PTPRG: variants seen among roughly 807,000 people sequenced by gnomAD.
PTPRG encodes receptor-type tyrosine-protein phosphatase gamma.
Under a neutral mutation model 165.3 loss-of-function variants are expected in PTPRG, and 102 were observed. That is an observed-to-expected ratio of 0.62 (90% confidence interval 0.53 to 0.73). PTPRG has a LOEUF of 0.73. PTPRG is among the 30% of genes least tolerant of loss of function. The pLI, the probability that PTPRG is intolerant of heterozygous loss-of-function variation, is 0.00. For synonymous variants in PTPRG, 675 were observed against 669.5 expected (o/e 1.01, Z -0.13); for missense variants, 1,866 against 1,861.4 (o/e 1.00, Z -0.05).
At chr3:61,856,138 T>C (rs1398075338) in intron 2 of PTPRG, among the ~76,000 whole-genome samples, 6 of 152,104 alleles carry the variant, frequency 3.9e-5, no homozygotes, top group African/African-American at 1.2e-4. Flanking sequence ...AAGGGTCTTT[T>C]AAATTGTAAA....
chr3:62,052,340 C>T (rs1328433985), intron 4 of PTPRG, among the ~76,000 whole-genome samples: 2 of 152,130 alleles, frequency 1.3e-5, no homozygotes, highest in Non-Finnish European at 2.9e-5. Context: ...TGGGAACTTA[C>T]CCACCTACAC....
In PTPRG at chr3:62,287,677, A is replaced by ATAAAG. The variant is rs541726463; in HGVS notation, c.4056-4741_4056-4737dup. On this transcript the variant is annotated intron_variant, in intron 28 of 29. Coordinates refer to ENST00000474889, the MANE Select transcript of PTPRG (RefSeq NM_002841.4). ...ACAGCTGAGGTTTTCTAAAAACAGA[A>ATAAAG]TAAAGTATTCAGTTCTTAAACTGAG... Among the ~76,000 whole-genome samples, 462 of 152,308 alleles carry ATAAAG rather than the reference A, an allele frequency of 3.0e-3. 4 individuals are homozygous for ATAAAG. The highest frequency in any genetic ancestry group is 0.01 in the African/African-American group (423 of 41,584).
intron 1 of PTPRG, among the ~76,000 whole-genome samples, chr3:61,711,472 T>G (rs13082181): frequency 0.14 from 21,706 of 152,282 alleles, 1,701 homozygotes; most frequent in East Asian, 0.17. Flanking sequence ...TCTAACTGGT[T>G]TGAAATGGTA....
chr3:62,072,615 A>ATGTATG (rs775745015), intron 4 of PTPRG, among the ~76,000 whole-genome samples: 2 of 134,578 alleles, frequency 1.5e-5, no homozygotes, highest in Admixed American at 1.5e-4. Flanking sequence ...ATATATGTGT[A>ATGTATG]TGTGTGTGTG....
intron 1 of PTPRG, among the ~76,000 whole-genome samples, chr3:61,643,277 A>AAAGAGAG (rs1702113671): frequency 4.7e-5 from 7 of 149,744 alleles, no homozygotes; most frequent in African/African-American, 1.5e-4. Context: ...GAGAGAGAGA[A>AAAGAGAG]AGAGAGAGAG....
Position 61,652,506 on chromosome 3 carries a change from T to G in PTPRG, c.85+90134T>G, listed in dbSNP as rs541841579. Among the ~76,000 whole-genome samples, 3 of 152,300 alleles carry G rather than the reference T, an allele frequency of 2.0e-5. No homozygotes were observed. In the East Asian group the frequency reaches 5.8e-4, roughly 29 times the overall value. On this transcript the variant is annotated intron_variant, in intron 1 of 29. Transcript: ENST00000474889. ...CTTGTTGAGCTCTTTCTTTGGGTCA[T>G]GGACTGGGCTAGGGTTAAGGGATAT...
chr3:61,928,275 A>G (rs1344077016), intron 2 of PTPRG, among the ~76,000 whole-genome samples: 1 of 152,190 alleles, frequency 6.6e-6, no homozygotes, highest in East Asian at 1.9e-4. Flanking sequence ...TGTGAAATAC[A>G]GCATGCCTAG....
intron 26 of PTPRG, among the ~76,000 whole-genome samples, chr3:62,279,027 G>A (rs964967266): frequency 1.3e-5 from 2 of 152,034 alleles, no homozygotes; most frequent in Non-Finnish European, 2.9e-5. Context: ...TGGCATCTCA[G>A]TGTCTCTCTG....
At chr3:62,175,493 T>C (rs73098532) in intron 8 of PTPRG, among the ~76,000 whole-genome samples, 11,365 of 152,302 alleles carry the variant, frequency 0.075, 712 homozygotes, top group East Asian at 0.35. Context: ...GGTTTTTGTG[T>C]GCCAGATGCT....
At chr3:61,595,248 CTATT>C (rs1402144629) in intron 1 of PTPRG, among the ~76,000 whole-genome samples, 3 of 151,510 alleles carry the variant, frequency 2.0e-5, no homozygotes, top group Admixed American at 6.6e-5. Flanking sequence ...CGCTGGTGAA[CTATT>C]TGTTTCTATG....
At chr3:62,221,732 C>A (rs1038849627) in intron 13 of PTPRG, among the ~76,000 whole-genome samples, 1 of 152,204 alleles carries the variant, frequency 6.6e-6, no homozygotes, top group African/African-American at 2.4e-5. Flanking sequence ...GGGTTCAAAC[C>A]TGCTCACTGT....
At chr3:62,206,912 CAAAAAAA>C (rs556974355) in intron 12 of PTPRG, among the ~76,000 whole-genome samples, 30 of 37,318 alleles carry the variant, frequency 8.0e-4, no homozygotes, top group African/African-American at 1.9e-3. Context: ...GACTCTGTCT[CAAAAAAA>C]AAAAAAAAAA....
chr3:61,948,039 C>G (rs1553695504), intron 2 of PTPRG, among the ~76,000 whole-genome samples: 2 of 152,026 alleles, frequency 1.3e-5, no homozygotes, highest in Non-Finnish European at 2.9e-5. Context: ...GAAGGAAACT[C>G]TAAGGCCAGG....
At chr3:61,953,781 CA>C (rs2039958662) in intron 2 of PTPRG, among the ~76,000 whole-genome samples, 1 of 152,160 alleles carries the variant, frequency 6.6e-6, no homozygotes, top group African/African-American at 2.4e-5. Flanking sequence ...GGGAAGGAAA[CA>C]AAAACCCTTC....
At position 62,108,342 on chromosome 3, in the gene PTPRG, G is replaced by C. The variant is rs570205079; in HGVS notation, c.616-24260G>C. On this transcript the variant is annotated intron_variant, in intron 5 of 29. Transcript: ENST00000474889. Reference sequence around the variant, plus strand: ...AGTTTGCTGAGAATGATGGTTTCCAGCTTCATCCATGTCCCTGCAAAGGAG... The same window carrying C: ...AGTTTGCTGAGAATGATGGTTTCCACCTTCATCCATGTCCCTGCAAAGGAG... 1.4e-3 allele frequency among the ~76,000 whole-genome samples: 214 copies of C among 152,238 alleles called. 1 individual carries two copies. The highest frequency in any genetic ancestry group is 1.7e-3 in the Non-Finnish European group (117 of 68,014).
At chr3:62,082,692 C>T (rs2526427) in intron 5 of PTPRG, among the ~76,000 whole-genome samples, 43,043 of 151,918 alleles carry the variant, frequency 0.28, 7,749 homozygotes, top group African/African-American at 0.52. Flanking sequence ...ATTTTGGTAA[C>T]GGATAAGAGT....
chr3:61,775,859 T>C (rs984073805), intron 2 of PTPRG, among the ~76,000 whole-genome samples: 4 of 138,902 alleles, frequency 2.9e-5, no homozygotes, highest in Middle Eastern at 4.1e-3. Context: ...TTCTCACTTA[T>C]AGGTGGGAAT....
At chr3:61,774,028 G>T (rs2034294663) in intron 2 of PTPRG, among the ~76,000 whole-genome samples, 1 of 152,168 alleles carries the variant, frequency 6.6e-6, no homozygotes, top group Non-Finnish European at 1.5e-5. Flanking sequence ...AACCGCCTCA[G>T]CCTCCCAAAG....
chr3:61,803,630 G>T (rs1425526558), intron 2 of PTPRG, among the ~76,000 whole-genome samples: 2 of 151,942 alleles, frequency 1.3e-5, no homozygotes, highest in African/African-American at 4.8e-5. Flanking sequence ...TTTTGTTGTT[G>T]TTGTTGCTTC....
Sources: gnomAD v4.1 joint callset for allele counts (sites outside exome capture counted in the v4.1 genomes callset) on GRCh38, gnomAD v4.1.1 for gene constraint, MANE v1.5 for transcripts, NCBI Gene and HGNC (gene_info 2026-07-23, HGNC 2026-07-21) for gene names.